ST18: variants seen among roughly 807,000 people sequenced by gnomAD.
ST18 encodes the protein suppression of tumorigenicity 18 protein.
Under a neutral mutation model 110.0 loss-of-function variants are expected in ST18, and 50 were observed. The ratio of observed to expected loss-of-function variants is 0.45; its 90% CI spans 0.36 to 0.58. The LOEUF is 0.58. Among genes scored for constraint, ST18 ranks in the 20% least tolerant of loss-of-function variants. The probability of loss-of-function intolerance (pLI) is 0.00; values close to 1 mark genes in which losing one functional copy is unlikely to be tolerated. For synonymous variants in ST18, 461 were observed against 452.4 expected (o/e 1.02, Z -0.24); for missense variants, 1,306 against 1,280.1 (o/e 1.02, Z -0.31).
intron 2 of ST18, among the ~76,000 whole-genome samples, chr8:52,368,030 T>C (rs1828821005): frequency 6.6e-6 from 1 of 152,220 alleles, no homozygotes; most frequent in Non-Finnish European, 1.5e-5. Context: ...TAGGGTCTTG[T>C]CTATTTCTCT....
Position 52,149,860 on chromosome 8 carries a change from A to T in ST18, c.1924T>A (p.Ser642Thr). The change falls in exon 16 of 26, where the codon TCT (serine) becomes ACT (threonine). Residue 642 changes from serine (S) to threonine (T), a missense_variant. By Grantham distance (58) the Ser-to-Thr change is moderately conservative. Transcript: ENST00000689386. Reference protein sequence around the residue: ...SSNTSIPTPSSSPFKTSSILV... With the variant: ...SSNTSIPTPSTSPFKTSSILV... ...ATGCTGCTTGTTTTGAATGGGGAAG[A>T]GGAAGGAGTTGGAATAGAAGTGTTA... 6.2e-7 allele frequency: 1 copy of T among 1,614,192 alleles called. No homozygotes were observed. Among genetic ancestry groups the T allele is most frequent in the Non-Finnish European group, 8.5e-7 (1 of 1,180,014 alleles).
intron 2 of ST18, among the ~76,000 whole-genome samples, chr8:52,320,695 C>T (rs981250964): frequency 6.6e-6 from 1 of 152,154 alleles, no homozygotes; most frequent in African/African-American, 2.4e-5. Flanking sequence ...TATCACAATA[C>T]CCAATCTGGT....
At chr8:52,394,547 C>T (rs1303923274) in intron 2 of ST18, among the ~76,000 whole-genome samples, 2 of 151,922 alleles carry the variant, frequency 1.3e-5, no homozygotes, top group African/African-American at 2.4e-5. Flanking sequence ...TGAATACCAG[C>T]TCAAGAAAGA....
At chr8:52,232,564 GA>G (rs1473426015) in intron 2 of ST18, among the ~76,000 whole-genome samples, 1 of 152,108 alleles carries the variant, frequency 6.6e-6, no homozygotes, top group Non-Finnish European at 1.5e-5. Context: ...AGTGGTATAT[GA>G]GGTGTTCTTT....
intron 2 of ST18, among the ~76,000 whole-genome samples, chr8:52,311,738 A>G (rs2095915459): frequency 6.6e-6 from 1 of 152,150 alleles, no homozygotes; most frequent in Non-Finnish European, 1.5e-5. Flanking sequence ...ATCTTGTGAT[A>G]ACTCACTCAC....
intron 3 of ST18, among the ~76,000 whole-genome samples, chr8:52,227,519 A>G (rs779504736): frequency 6.6e-6 from 1 of 152,186 alleles, no homozygotes; most frequent in Non-Finnish European, 1.5e-5. Flanking sequence ...CCAAAGACCA[A>G]TTGAAAGGAC....
At chr8:52,161,661 T>C in intron 13 of ST18, 93 bp from the exon 14 acceptor site, 1 of 1,378,090 alleles carries the variant, frequency 7.3e-7, no homozygotes, top group South Asian at 1.4e-5. Flanking sequence ...CATGTGTCAC[T>C]CCTGAAGGTA....
intron 9 of ST18, among the ~76,000 whole-genome samples, chr8:52,178,875 T>C (rs1336205049): frequency 6.6e-6 from 1 of 152,036 alleles, no homozygotes; most frequent in Non-Finnish European, 1.5e-5. Context: ...TTGCAAACTC[T>C]ATTTTCAAGC....
Position 52,180,238 on chromosome 8 carries a change from CT to C in ST18, c.160del (p.Arg54GlyfsTer5). The C allele has an allele frequency of 6.2e-7, 1 of 1,614,202 alleles. No homozygotes were observed. The highest frequency in any genetic ancestry group is 2.2e-5 in the East Asian group (1 of 44,880). ...TCGGGGCTTCATTAGCAGGGATTTC[CT>C]TTTGTTGACTGGAACCCCCAAAGCC... ...DQALGVPVNK[R>X]KSLLMKPRHY... On this transcript the variant is annotated frameshift_variant, in exon 9 of 26. Transcript: ENST00000689386. LOFTEE classifies it high-confidence loss of function.
chr8:52,384,221 C>CT (rs1412524737), intron 2 of ST18, among the ~76,000 whole-genome samples: 1 of 152,098 alleles, frequency 6.6e-6, no homozygotes, highest in Non-Finnish European at 1.5e-5. Context: ...ATCATGGTAA[C>CT]TTTTTTATGG....
At chr8:52,238,750 TA>T (rs2137425018) in intron 2 of ST18, among the ~76,000 whole-genome samples, 2 of 150,862 alleles carry the variant, frequency 1.3e-5, no homozygotes, top group South Asian at 4.2e-4. Context: ...TTAAGGGAAA[TA>T]AGTTGGAAAC....
intron 2 of ST18, among the ~76,000 whole-genome samples, chr8:52,337,725 A>G (rs1812796940): frequency 6.6e-6 from 1 of 152,224 alleles, no homozygotes; most frequent in Non-Finnish European, 1.5e-5. Context: ...TCTCAGGGAT[A>G]CCAAAGCTTC....
At chr8:52,304,825 T>G (rs910000280) in intron 2 of ST18, among the ~76,000 whole-genome samples, 4 of 152,148 alleles carry the variant, frequency 2.6e-5, no homozygotes, top group African/African-American at 9.7e-5. Flanking sequence ...CTTGCTGTGT[T>G]CTCACATGGA....
chr8:52,144,373 T>C (rs1056297750), intron 16 of ST18, among the ~76,000 whole-genome samples: 2 of 152,028 alleles, frequency 1.3e-5, no homozygotes, highest in African/African-American at 4.8e-5. Flanking sequence ...TATAGCAAAA[T>C]ATAATTTTAG....
At chr8:52,155,411 C>G (rs889717070) in intron 15 of ST18, among the ~76,000 whole-genome samples, 2 of 152,016 alleles carry the variant, frequency 1.3e-5, no homozygotes, top group Non-Finnish European at 2.9e-5. Flanking sequence ...ATAAATAATT[C>G]CTTTGAAAAT....
At chr8:52,314,718 C>A (rs1227785870) in intron 2 of ST18, among the ~76,000 whole-genome samples, 1 of 152,212 alleles carries the variant, frequency 6.6e-6, no homozygotes, top group Non-Finnish European at 1.5e-5. Flanking sequence ...TCCCCTAGAA[C>A]CCTCCCTGGC....
At chr8:52,348,745 C>CA (rs754385881) in intron 2 of ST18, among the ~76,000 whole-genome samples, 2 of 151,464 alleles carry the variant, frequency 1.3e-5, no homozygotes, top group Admixed American at 1.3e-4. Context: ...AACTCCACCT[C>CA]AAAAAAAATT....
intron 23 of ST18, among the ~76,000 whole-genome samples, chr8:52,124,718 C>T (rs2046309677): frequency 1.3e-5 from 2 of 152,112 alleles, no homozygotes; most frequent in Admixed American, 1.3e-4. Context: ...AGGCCTGTCC[C>T]CAGCAGCCAG....
At chr8:52,197,020 T>C (rs373845892) in intron 8 of ST18, among the ~76,000 whole-genome samples, 1 of 152,326 alleles carries the variant, frequency 6.6e-6, no homozygotes. Flanking sequence ...ATAAACAAAA[T>C]AAGAATTTTA....
Sources: gnomAD v4.1 joint callset for allele counts (sites outside exome capture counted in the v4.1 genomes callset) on GRCh38, gnomAD v4.1.1 for gene constraint, MANE v1.5 for transcripts, NCBI Gene and HGNC (gene_info 2026-07-23, HGNC 2026-07-21) for gene names.